Variants in KCNN2 observed in about 807,000 individuals in gnomAD.
The protein encoded by KCNN2 is small conductance calcium-activated potassium channel protein 2.
Under a neutral mutation model 55.5 loss-of-function variants are expected in KCNN2, and 24 were observed. That is an observed-to-expected ratio of 0.43 (90% CI 0.31 to 0.61). KCNN2 has a LOEUF of 0.61. Among genes scored for constraint, KCNN2 ranks in the 20% least tolerant of loss-of-function variants. The pLI, the probability that KCNN2 is intolerant of heterozygous loss-of-function variation, is 0.08. For synonymous variants in KCNN2, 431 were observed against 336.1 expected (o/e 1.28, Z -3.09); for missense variants, 754 against 853.6 (o/e 0.88, Z 1.45).
At chr5:114,186,702 G>A (rs534252192) in intron 1 of KCNN2, among the ~76,000 whole-genome samples, 156 of 152,210 alleles carry the variant, frequency 1.0e-3, no homozygotes, top group African/African-American at 3.3e-3. Context: ...GAAATTATAC[G>A]TGATAAAAAT....
chr5:114,274,701 G>C (rs13360705), intron 2 of KCNN2, among the ~76,000 whole-genome samples: 2,286 of 152,266 alleles, frequency 0.015, 56 homozygotes, highest in African/African-American at 0.052. Flanking sequence ...CTGAGACTTT[G>C]CTGACTTTGC....
At chr5:114,287,493 C>G (rs571435911) in intron 2 of KCNN2, among the ~76,000 whole-genome samples, 4 of 151,708 alleles carry the variant, frequency 2.6e-5, no homozygotes, top group Non-Finnish European at 1.5e-5. Context: ...CAAACTAACA[C>G]AGGAACAGAA....
intron 1 of KCNN2, among the ~76,000 whole-genome samples, chr5:114,065,347 A>G (rs1433805948): frequency 6.6e-6 from 1 of 152,110 alleles, no homozygotes; most frequent in Non-Finnish European, 1.5e-5. Flanking sequence ...GCCACACAAT[A>G]TGTTGTTTTA....
intron 2 of KCNN2, among the ~76,000 whole-genome samples, chr5:114,289,576 C>G (rs1438909586): frequency 1.3e-5 from 2 of 151,926 alleles, no homozygotes; most frequent in Non-Finnish European, 2.9e-5. Flanking sequence ...GGGGTTTCAC[C>G]ATGTTGGCCA....
intron 2 of KCNN2, among the ~76,000 whole-genome samples, chr5:114,371,466 G>A (rs925187991): frequency 2.0e-5 from 3 of 152,070 alleles, no homozygotes; most frequent in African/African-American, 7.2e-5. Context: ...CTAAGAGATA[G>A]GAGTGTTTTA....
chr5:114,268,336 T>C (rs1435897764), intron 2 of KCNN2, among the ~76,000 whole-genome samples: 1 of 152,238 alleles, frequency 6.6e-6, no homozygotes, highest in Non-Finnish European at 1.5e-5. Flanking sequence ...AGTTCTAGAA[T>C]TGGGCTCAAG....
At chr5:114,161,782 A>G (rs1752791165) in intron 1 of KCNN2, among the ~76,000 whole-genome samples, 2 of 152,038 alleles carry the variant, frequency 1.3e-5, no homozygotes. Context: ...CCTTTCTTCC[A>G]GTTGATCACA....
At chr5:114,069,073 C>G (rs547039292) in intron 1 of KCNN2, among the ~76,000 whole-genome samples, 1 of 152,272 alleles carries the variant, frequency 6.6e-6, no homozygotes, top group African/African-American at 2.4e-5. Context: ...CCTCGGCCTC[C>G]CAATGTGCTG....
chr5:114,485,316 A>T (rs572017076), intron 5 of KCNN2, among the ~76,000 whole-genome samples: 1 of 152,156 alleles, frequency 6.6e-6, no homozygotes, highest in Non-Finnish European at 1.5e-5. Context: ...CCAATCTTCC[A>T]GGTATCTACA....
intron 2 of KCNN2, among the ~76,000 whole-genome samples, chr5:114,384,476 A>G (rs1758218038): frequency 6.6e-6 from 1 of 152,192 alleles, no homozygotes. Context: ...GACTGTAATA[A>G]AATCTCGATG....
At chr5:114,183,092 G>T (rs1323492648) in intron 1 of KCNN2, among the ~76,000 whole-genome samples, 1 of 152,048 alleles carries the variant, frequency 6.6e-6, no homozygotes, top group Non-Finnish European at 1.5e-5. Context: ...AACAGATGCT[G>T]AATTTGGTAA....
chr5:114,392,020 A>C (rs1758463882), intron 2 of KCNN2, among the ~76,000 whole-genome samples: 1 of 152,152 alleles, frequency 6.6e-6, no homozygotes, highest in Admixed American at 6.5e-5. Context: ...ATATTCTACT[A>C]AGTTCTCAAG....
intron 1 of KCNN2, among the ~76,000 whole-genome samples, chr5:114,137,327 A>T (rs2954372): frequency 0.22 from 33,120 of 152,090 alleles, 3,817 homozygotes; most frequent in Middle Eastern, 0.27. Context: ...TTAAAACTCG[A>T]TGGGAATTCT....
intron 1 of KCNN2, among the ~76,000 whole-genome samples, chr5:114,211,360 C>T (rs143010731): frequency 1.3e-5 from 2 of 152,128 alleles, no homozygotes; most frequent in Non-Finnish European, 1.5e-5. Context: ...TACATATACA[C>T]CATGAAACGC....
intron 2 of KCNN2, among the ~76,000 whole-genome samples, chr5:114,317,839 T>C (rs987935964): frequency 2.6e-5 from 4 of 152,230 alleles, no homozygotes; most frequent in African/African-American, 9.6e-5. Context: ...AAAATGGGCA[T>C]GTTTCTTAGC....
At chr5:114,092,222 A>T (rs965019682) in intron 1 of KCNN2, among the ~76,000 whole-genome samples, 1 of 152,206 alleles carries the variant, frequency 6.6e-6, no homozygotes, top group Non-Finnish European at 1.5e-5. Context: ...CAAAGGGGCT[A>T]CAGGTCCCAT....
intron 1 of KCNN2, among the ~76,000 whole-genome samples, chr5:114,069,236 A>G (rs2974491): frequency 0.78 from 118,177 of 152,090 alleles, 46,013 homozygotes; most frequent in African/African-American, 0.85. Context: ...AGCGTTTGCC[A>G]GCTCACTTAC....
chr5:114,473,418 T>G (rs1469682891), intron 5 of KCNN2, among the ~76,000 whole-genome samples: 1 of 152,166 alleles, frequency 6.6e-6, no homozygotes, highest in Non-Finnish European at 1.5e-5. Flanking sequence ...CCTACTTGTT[T>G]AGATTTCAGT....
intron 2 of KCNN2, among the ~76,000 whole-genome samples, chr5:114,315,861 T>C (rs1026847160): frequency 4.6e-5 from 7 of 152,146 alleles, no homozygotes; most frequent in South Asian, 4.1e-4. Flanking sequence ...AGTGACCTTA[T>C]TGGAACATTC....
Sources: gnomAD v4.1 joint callset for allele counts (sites outside exome capture counted in the v4.1 genomes callset) on GRCh38, gnomAD v4.1.1 for gene constraint, MANE v1.5 for transcripts, NCBI Gene and HGNC (gene_info 2026-07-23, HGNC 2026-07-21) for gene names.